The following DPYSL2 variants were observed in gnomAD, a reference collection of about 807,000 sequenced individuals.
DPYSL2 encodes dihydropyrimidinase-related protein 2.
A neutral mutation model predicts 69.9 loss-of-function variants in DPYSL2; 13 were observed. The observed-to-expected ratio is 0.19, with a 90% CI of 0.12 to 0.30. DPYSL2 has a LOEUF of 0.30. Ranked by LOEUF, DPYSL2 falls within the 10% of genes least tolerant of loss-of-function variation. The pLI is 1.00. For synonymous variants in DPYSL2, 326 were observed against 359.1 expected, an observed-to-expected ratio of 0.91 and a Z score of 1.04; for missense variants, 587 against 918.9, an observed-to-expected ratio of 0.64 and a Z score of 4.67.
chr8:26,613,621 C>CG (rs1195838310), intron 3 of DPYSL2, among the ~76,000 whole-genome samples: 5 of 151,888 alleles, frequency 3.3e-5, no homozygotes, highest in Non-Finnish European at 7.4e-5. Flanking sequence ...TGCTGACGGA[C>CG]GGGAGGAAGG....
intron 1 of DPYSL2, among the ~76,000 whole-genome samples, chr8:26,566,704 C>T (rs1351747586): frequency 1.3e-5 from 2 of 152,170 alleles, no homozygotes; most frequent in Non-Finnish European, 1.5e-5. Flanking sequence ...TAAGACAGGA[C>T]CTGGTTGTAA....
At chr8:26,596,268 G>A (rs1253018386) in intron 3 of DPYSL2, among the ~76,000 whole-genome samples, 2 of 152,148 alleles carry the variant, frequency 1.3e-5, no homozygotes, top group Non-Finnish European at 2.9e-5. Flanking sequence ...AGTTAGATGG[G>A]GCTTCAGCCC....
At chr8:26,611,524 G>C (rs1356616775) in intron 3 of DPYSL2, among the ~76,000 whole-genome samples, 1 of 152,210 alleles carries the variant, frequency 6.6e-6, no homozygotes, top group East Asian at 1.9e-4. Context: ...TGGAAGCCAA[G>C]TTCGTGTTTC....
chr8:26,537,923 C>T (rs1320123623), intron 1 of DPYSL2, among the ~76,000 whole-genome samples: 4 of 152,152 alleles, frequency 2.6e-5, no homozygotes, highest in African/African-American at 9.7e-5. Flanking sequence ...GTTCATCTTT[C>T]CTTGGCTCAT....
chr8:26,591,503 C>G lies in DPYSL2; in HGVS notation c.628+7520C>G, dbSNP rs1381165003. 6.6e-6 allele frequency among the ~76,000 whole-genome samples: 1 copy of G among 152,236 alleles called. No individual in the cohort carries two copies. The highest frequency in any genetic ancestry group is 1.5e-5 in the Non-Finnish European group (1 of 68,040). On this transcript the variant is annotated intron_variant, in intron 3 of 13. Coordinates refer to ENST00000521913, the MANE Select transcript of DPYSL2 (RefSeq NM_001197293.3). This position sits in a 1 kb window ranked among gnomAD's most constrained non-coding sequence, Gnocchi z 5.8. ...TGGCCTCTCCATTTTCCTAAGGCCC[C>G]TGCATGCCTGGAGCTGGCTGTGGGG...
Position 26,627,965 on chromosome 8 carries a change from G to T in DPYSL2, c.1005+25G>T. ...GGTGAATGTTCACCAAGCGGAATGCGTGAATCAGTGTCCCTTGGGCACTGT... is the reference window on the plus strand; with the variant it reads ...GGTGAATGTTCACCAAGCGGAATGCTTGAATCAGTGTCCCTTGGGCACTGT... On this transcript the variant is annotated intron_variant, in intron 7 of 13. Coordinates refer to ENST00000521913, the MANE Select transcript of DPYSL2 (RefSeq NM_001197293.3). The surrounding 1 kb of genome is among the most constrained non-coding windows in gnomAD (Gnocchi z 6.9). 6.2e-7 allele frequency: 1 copy of T among 1,609,122 alleles called. No homozygotes were observed. Among genetic ancestry groups the T allele is most frequent in the Non-Finnish European group, 8.5e-7 (1 of 1,178,042 alleles).
At chr8:26,549,577 C>G (rs1245131218) in intron 1 of DPYSL2, among the ~76,000 whole-genome samples, 1 of 151,946 alleles carries the variant, frequency 6.6e-6, no homozygotes, top group Non-Finnish European at 1.5e-5. Context: ...CAGAGAACAC[C>G]AAGCAGGATC....
chr8:26,555,500 T>A (rs989074203), intron 1 of DPYSL2, among the ~76,000 whole-genome samples: 1 of 152,174 alleles, frequency 6.6e-6, no homozygotes, highest in Non-Finnish European at 1.5e-5. Flanking sequence ...CTATTGTTTA[T>A]GTTAACACCA....
chr8:26,521,180 A>T (rs537523425), intron 1 of DPYSL2, among the ~76,000 whole-genome samples: 2 of 152,330 alleles, frequency 1.3e-5, no homozygotes, highest in African/African-American at 2.4e-5. Flanking sequence ...GTAACCTAGT[A>T]CCATAGGTAC....
intron 1 of DPYSL2, chr8:26,578,107 C>T: frequency 6.6e-7 from 1 of 1,514,798 alleles, no homozygotes; most frequent in Non-Finnish European, 8.8e-7. Context: ...CTTGAAATTT[C>T]CTAATAGCAA....
chr8:26,520,343 G>A (rs1808364947), intron 1 of DPYSL2, among the ~76,000 whole-genome samples: 2 of 152,270 alleles, frequency 1.3e-5, no homozygotes, highest in Middle Eastern at 3.4e-3. Flanking sequence ...GGCAGGGCCT[G>A]AACCCCGGGG....
Position 26,598,593 on chromosome 8 carries a change from C to T in DPYSL2, c.628+14610C>T, listed in dbSNP as rs1801918696. Among the ~76,000 whole-genome samples, 1 of 152,252 alleles carries T rather than the reference C, an allele frequency of 6.6e-6. No individual in the cohort carries two copies. Reference sequence around the variant, plus strand: ...TGGTGAGCACCTTTCCCCCCAGGCACAGTCCCTGCTTACGGGAGATTTGAG... The same window carrying T: ...TGGTGAGCACCTTTCCCCCCAGGCATAGTCCCTGCTTACGGGAGATTTGAG... On this transcript the variant is annotated intron_variant, in intron 3 of 13. Coordinates refer to ENST00000521913, the MANE Select transcript of DPYSL2 (RefSeq NM_001197293.3). The surrounding 1 kb of genome is among the most constrained non-coding windows in gnomAD (Gnocchi z 4.2).
At chr8:26,616,826 C>A (rs894417485) in intron 3 of DPYSL2, among the ~76,000 whole-genome samples, 2 of 152,142 alleles carry the variant, frequency 1.3e-5, no homozygotes, top group Non-Finnish European at 2.9e-5. Context: ...TGGGTATAAC[C>A]CCAAGGTGGG....
Position 26,626,465 on chromosome 8 carries a change from C to A in DPYSL2, c.794-152C>A. Reference sequence around the variant, plus strand: ...TTCTGTGTCTCCATTTCTCTCCTCTCTCTTTCTCTGTACTGAAACACACAC... The same window carrying A: ...TTCTGTGTCTCCATTTCTCTCCTCTATCTTTCTCTGTACTGAAACACACAC... On this transcript the variant is annotated intron_variant, in intron 4 of 13. Coordinates refer to ENST00000521913, the MANE Select transcript of DPYSL2 (RefSeq NM_001197293.3). This position sits in a 1 kb window ranked among gnomAD's most constrained non-coding sequence, Gnocchi z 4.3. The A allele has an allele frequency of 1.5e-6, 1 of 664,464 alleles. No homozygotes were observed. The highest frequency in any genetic ancestry group is 2.5e-6 in the Non-Finnish European group (1 of 404,898). 41.2% of individuals were successfully genotyped at this position (664,464 alleles called of 1,614,324 possible). A position where few individuals can be genotyped will look rare whatever the true frequency, so the allele number is the denominator to read the frequency against.
chr8:26,602,010 C>T (rs546655780), intron 3 of DPYSL2, among the ~76,000 whole-genome samples: 1 of 152,164 alleles, frequency 6.6e-6, no homozygotes, highest in Non-Finnish European at 1.5e-5. Context: ...ATTATGGTGC[C>T]CAGGCAGCTG....
chr8:26,624,328 G>A lies in DPYSL2; in HGVS notation c.793+21G>A. The A allele has an allele frequency of 1.2e-6, 2 of 1,611,902 alleles. No individual in the cohort carries two copies. The highest frequency in any genetic ancestry group is 1.1e-5 in the South Asian group (1 of 90,846). On this transcript the variant is annotated intron_variant, in intron 4 of 13. Coordinates refer to ENST00000521913, the MANE Select transcript of DPYSL2 (RefSeq NM_001197293.3). The surrounding 1 kb of genome is among the most constrained non-coding windows in gnomAD (Gnocchi z 4.7). The stretch of plus-strand genomic sequence containing the variant: ...TCACGGTAGGTTGCACTGAGTCAAT[G>A]CCCTCTGCAGATGTTTCCGCTTCAG...
chr8:26,653,174 C>T lies in DPYSL2; in HGVS notation c.1777-58C>T. ...GCCCATCCTCCCTCCAGGAGGGTTT[C>T]TAGAGAGGTATCCTCTGTGGCTGTG... On this transcript the variant is annotated intron_variant, in intron 12 of 13. Transcript: ENST00000521913. The surrounding 1 kb of genome is among the most constrained non-coding windows in gnomAD (Gnocchi z 5.7). 1 of 1,577,906 alleles carries T rather than the reference C, an allele frequency of 6.3e-7. No homozygotes were observed. The highest frequency in any genetic ancestry group is 8.6e-7 in the Non-Finnish European group (1 of 1,159,172).
intron 1 of DPYSL2, among the ~76,000 whole-genome samples, chr8:26,572,931 G>C (rs1050889546): frequency 2.0e-5 from 3 of 152,168 alleles, no homozygotes; most frequent in East Asian, 1.9e-4. Flanking sequence ...GCGATGAATG[G>C]GATCACACAG....
Position 26,571,485 on chromosome 8 carries a change from C to T in DPYSL2, c.355-10484C>T. ...GTCCCCATCAGGGATAGAAAGACCC[C>T]AGGGAACATCTGTAGCCACCCAGAG... is the stretch of plus-strand genomic sequence containing the variant. On this transcript the variant is annotated intron_variant, in intron 1 of 13. Coordinates refer to ENST00000521913, the MANE Select transcript of DPYSL2 (RefSeq NM_001197293.3). This position sits in a 1 kb window ranked among gnomAD's most constrained non-coding sequence, Gnocchi z 6.1. 6.6e-6 allele frequency among the ~76,000 whole-genome samples: 1 copy of T among 152,144 alleles called. No homozygotes were observed. Among genetic ancestry groups the T allele is most frequent in the East Asian group, 1.9e-4 (1 of 5,194 alleles).
Sources: allele counts gnomAD v4.1 joint callset (sites outside exome capture counted in the v4.1 genomes callset), GRCh38; gene constraint gnomAD v4.1.1; non-coding constraint Gnocchi (gnomAD v3.1); transcripts MANE v1.5; gene names NCBI Gene and HGNC (gene_info 2026-07-23, HGNC 2026-07-21).